The following TRIQK variants were observed in gnomAD, a reference collection of about 807,000 sequenced individuals.
TRIQK encodes the protein triple QxxK/R motif containing.
Under a neutral mutation model 10.8 loss-of-function variants are expected in TRIQK, and 10 were observed. The observed-to-expected ratio is 0.92, with a 90% CI of 0.57 to 1.57. The LOEUF (loss-of-function observed/expected upper bound fraction) is 1.57, where lower values mean the gene tolerates loss of function less well. Ranked by LOEUF, TRIQK falls within the 40% of genes most tolerant of loss-of-function variation. The probability of loss-of-function intolerance (pLI) is 0.00; values close to 1 mark genes in which losing one functional copy is unlikely to be tolerated. For synonymous variants in TRIQK, 33 were observed against 33.7 expected (o/e 0.98, Z 0.07); for missense variants, 107 against 97.7 (o/e 1.09, Z -0.40).
chr8:92,973,298 C>A lies in TRIQK; in HGVS notation c.-180-18734G>T, dbSNP rs986148172. On this transcript the variant is annotated intron_variant, in intron 1 of 4. Transcript: ENST00000520686. ...GTGATTCTGGATATCAGTAAATGTT[C>A]TTATATTTTTGTTTAGAACTGCAAT... 2.6e-5 allele frequency: 4 copies of A among 152,178 alleles called. No individual in the cohort carries two copies. In the East Asian group the frequency reaches 7.7e-4, roughly 29 times the overall value. The allele number at this position is 152,178 out of a possible 1,614,324, so 9.4% of individuals were successfully genotyped here. A position where few individuals can be genotyped will look rare whatever the true frequency, so the allele number is the denominator to read the frequency against.
chr8:92,946,941 A>G (rs972700776), intron 2 of TRIQK, among the ~76,000 whole-genome samples: 2 of 150,772 alleles, frequency 1.3e-5, no homozygotes, highest in African/African-American at 2.4e-5. Context: ...TTGTTTTTGT[A>G]TTTTTAGTAG....
At position 92,999,191 on chromosome 8, in the gene TRIQK, C is replaced by A. The variant is rs1410254338; in HGVS notation, c.-181+18418G>T. 2.6e-5 allele frequency among the ~76,000 whole-genome samples: 4 copies of A among 152,092 alleles called. No individual in the cohort carries two copies. The South Asian group carries it at 6.2e-4, about 24-fold the overall frequency. On this transcript the variant is annotated intron_variant, in intron 1 of 4. Transcript: ENST00000520686. ...TAACATTTAATAAAGTGTTTACTTGCCCTTGTTGAATACTAGCTATTGCTG... is the reference window on the plus strand; with the variant it reads ...TAACATTTAATAAAGTGTTTACTTGACCTTGTTGAATACTAGCTATTGCTG...
chr8:92,981,195 C>T (rs540859240), intron 1 of TRIQK, among the ~76,000 whole-genome samples: 2 of 151,402 alleles, frequency 1.3e-5, no homozygotes, highest in Non-Finnish European at 3.0e-5. Flanking sequence ...TTCTTGTTTT[C>T]GTGCAATACG....
At chr8:92,923,850 C>T (rs1030457961) in intron 2 of TRIQK, among the ~76,000 whole-genome samples, 9 of 151,758 alleles carry the variant, frequency 5.9e-5, no homozygotes, top group Non-Finnish European at 1.5e-5. Flanking sequence ...AATCACCTTC[C>T]GACCAAGTTA....
chr8:92,896,321 A>G (rs1808593957), intron 3 of TRIQK, among the ~76,000 whole-genome samples: 1 of 152,168 alleles, frequency 6.6e-6, no homozygotes, highest in African/African-American at 2.4e-5. Context: ...TACTGATTTC[A>G]TGAGCTGTGG....
At chr8:93,008,173 C>A (rs1328008565) in intron 1 of TRIQK, among the ~76,000 whole-genome samples, 4 of 152,134 alleles carry the variant, frequency 2.6e-5, no homozygotes, top group African/African-American at 9.7e-5. Context: ...GGATAAATAG[C>A]TAATGCATGC....
intron 3 of TRIQK, among the ~76,000 whole-genome samples, chr8:92,898,833 GTATATATATATA>G (rs67063066): frequency 0.01 from 742 of 73,924 alleles, 30 homozygotes; most frequent in African/African-American, 0.032. Flanking sequence ...GTGTGTGTGT[GTATATATATATA>G]TATATATATA....
At chr8:92,935,159 T>C (rs1810919085) in intron 2 of TRIQK, among the ~76,000 whole-genome samples, 2 of 151,856 alleles carry the variant, frequency 1.3e-5, no homozygotes, top group South Asian at 4.1e-4. Flanking sequence ...TTCTGCTTGA[T>C]AGTTAATTGT....
rs1335996705 is a variant in TRIQK at position 92,930,760 on chromosome 8, CTT to C, written c.-21-13752_-21-13751del. 4.6e-5 allele frequency among the ~76,000 whole-genome samples: 7 copies of C among 152,102 alleles called. No individual in the cohort carries two copies. The East Asian group carries it at 5.8e-4, about 13-fold the overall frequency. On this transcript the variant is annotated intron_variant, in intron 2 of 4. Transcript: ENST00000521988. ...GGGGTTATGATCTAAAGATCACAAA[CTT>C]TGAGTTTTCAATGCTTACAATCCCT...
At chr8:92,907,132 A>G (rs531722570) in intron 3 of TRIQK, among the ~76,000 whole-genome samples, 3 of 152,330 alleles carry the variant, frequency 2.0e-5, no homozygotes, top group South Asian at 4.1e-4. Context: ...AGGGATTGAC[A>G]TAAGTTGAAG....
At chr8:92,889,338 G>A (rs1158340858) in intron 4 of TRIQK, among the ~76,000 whole-genome samples, 1 of 151,522 alleles carries the variant, frequency 6.6e-6, no homozygotes, top group African/African-American at 2.4e-5. Flanking sequence ...GCTCTTCCAA[G>A]ATGATCATGT....
chr8:92,887,636 T>G lies in TRIQK; in HGVS notation c.148-901A>C, dbSNP rs191919044. On this transcript the variant is annotated intron_variant, in intron 4 of 4. Transcript: ENST00000521988. ...AAGGGCTTACATACTATATTCTAAT[T>G]TCTACTGTATATTATGCCCTTTACC... Among the ~76,000 whole-genome samples the G allele has an allele frequency of 7.1e-4, 108 of 151,726 alleles. 1 individual carries two copies. The highest frequency in any genetic ancestry group is 2.7e-4 in the Non-Finnish European group (18 of 67,706).
intron 3 of TRIQK, among the ~76,000 whole-genome samples, chr8:92,899,895 C>T (rs1167414627): frequency 6.6e-6 from 1 of 151,898 alleles, no homozygotes; most frequent in Non-Finnish European, 1.5e-5. Context: ...TCCTTTCCTC[C>T]ACATCCTCAC....
At chr8:92,905,071 T>G (rs551910902) in intron 3 of TRIQK, among the ~76,000 whole-genome samples, 1 of 152,274 alleles carries the variant, frequency 6.6e-6, no homozygotes, top group East Asian at 1.9e-4. Context: ...AGGTATATGT[T>G]GCAGGGAAAC....
intron 3 of TRIQK, among the ~76,000 whole-genome samples, chr8:92,894,024 C>T (rs1027141736): frequency 1.5e-4 from 23 of 151,988 alleles, no homozygotes; most frequent in Non-Finnish European, 2.6e-4. Context: ...TGCCATATAA[C>T]CATTGGTTAA....
intron 3 of TRIQK, among the ~76,000 whole-genome samples, chr8:92,906,391 G>A (rs1809258692): frequency 6.6e-6 from 1 of 151,958 alleles, no homozygotes; most frequent in South Asian, 2.1e-4. Flanking sequence ...GAAATTCCTG[G>A]GACAACTCAA....
At chr8:93,011,221 TAC>T (rs1191431093) in intron 1 of TRIQK, among the ~76,000 whole-genome samples, 2 of 151,312 alleles carry the variant, frequency 1.3e-5, no homozygotes, top group African/African-American at 2.4e-5. Flanking sequence ...TATATATATA[TAC>T]AGGAGGTATT....
intron 2 of TRIQK, among the ~76,000 whole-genome samples, chr8:92,921,823 T>A (rs1255739292): frequency 6.6e-6 from 1 of 151,870 alleles, no homozygotes; most frequent in Non-Finnish European, 1.5e-5. Flanking sequence ...AGAGCTTTAT[T>A]AAGGTTCTAA....
intron 1 of TRIQK, among the ~76,000 whole-genome samples, chr8:92,994,865 CAG>C (rs1813136656): frequency 6.6e-6 from 1 of 151,838 alleles, no homozygotes; most frequent in African/African-American, 2.4e-5. Context: ...AACTTCTAAA[CAG>C]AGTTTAGAAC....
Sources: gnomAD v4.1 joint callset for allele counts (sites outside exome capture counted in the v4.1 genomes callset) on GRCh38, gnomAD v4.1.1 for gene constraint, MANE v1.5 for transcripts, NCBI Gene and HGNC (gene_info 2026-07-23, HGNC 2026-07-21) for gene names.